ZSWIM5: variants seen among roughly 807,000 people sequenced by gnomAD.
ZSWIM5 encodes zinc finger SWIM domain-containing protein 5.
ZSWIM5 carries 55 observed loss-of-function variants against 119.6 expected under a neutral mutation model. The observed-to-expected ratio is 0.46, with a 90% CI of 0.37 to 0.58. The LOEUF is 0.58. Ranked by LOEUF, ZSWIM5 falls within the 20% of genes least tolerant of loss-of-function variation. ZSWIM5 has a pLI of 0.00. For missense variants in ZSWIM5, 1,193 were observed against 1,512.8 expected, an observed-to-expected ratio of 0.79 and a Z score of 3.51; for synonymous variants, 537 against 606.9, an observed-to-expected ratio of 0.88 and a Z score of 1.69.
intron 1 of ZSWIM5, among the ~76,000 whole-genome samples, chr1:45,172,003 T>C (rs1645948507): frequency 6.6e-6 from 1 of 152,102 alleles, no homozygotes; most frequent in Non-Finnish European, 1.5e-5. Context: ...AATCATAAGT[T>C]CATTATATGA....
rs746764436 is a variant in ZSWIM5, at chr1:45,190,927, A to ATTTTTTTTT, written c.595+14820_595+14828dup. On this transcript the variant is annotated intron_variant, in intron 1 of 13. Coordinates refer to ENST00000359600, the MANE Select transcript of ZSWIM5 (RefSeq NM_020883.2). ...TCCATGTTCGACTGAAATAGCTGGA[A>ATTTTTTTTT]TTTTTTTTTTTTTTTTTTTTTTTTT... is the stretch of plus-strand genomic sequence containing the variant. 1.6e-3 allele frequency among the ~76,000 whole-genome samples: 76 copies of ATTTTTTTTT among 49,006 alleles called. 23 individuals carry two copies. Among genetic ancestry groups the ATTTTTTTTT allele is most frequent in the East Asian group, 7.4e-3 (9 of 1,216 alleles). 32.1% of individuals were successfully genotyped at this position (49,006 alleles called of 152,430 possible).
intron 2 of ZSWIM5, among the ~76,000 whole-genome samples, chr1:45,064,636 T>C (rs1191640423): frequency 6.6e-6 from 1 of 152,194 alleles, no homozygotes; most frequent in Non-Finnish European, 1.5e-5. Context: ...AGGGCAAAAG[T>C]TTTTGTTTGC....
At chr1:45,030,170 C>T (rs1644943436) in intron 11 of ZSWIM5, among the ~76,000 whole-genome samples, 2 of 152,156 alleles carry the variant, frequency 1.3e-5, no homozygotes, top group African/African-American at 4.8e-5. Flanking sequence ...TCTCAAACTC[C>T]TGTCCTCTAG....
intron 1 of ZSWIM5, among the ~76,000 whole-genome samples, chr1:45,165,235 G>C (rs935369880): frequency 6.6e-5 from 10 of 152,054 alleles, no homozygotes; most frequent in African/African-American, 2.4e-4. Flanking sequence ...ATAATGAAAT[G>C]AAGGCAGAAA....
chr1:45,124,117 C>G (rs768920744), intron 1 of ZSWIM5, among the ~76,000 whole-genome samples: 7 of 151,992 alleles, frequency 4.6e-5, no homozygotes, highest in Non-Finnish European at 8.8e-5. Context: ...AAGGAAGTTT[C>G]CCAAACAGAG....
chr1:45,035,766 G>T lies in ZSWIM5; in HGVS notation c.2213C>A (p.Thr738Asn). The change falls in exon 10 of 14, where the codon ACC becomes AAC. Residue 738 changes from threonine to asparagine, a missense_variant. This residue lies in a region of ZSWIM5 where 961 missense variants were observed against 1,290.0 expected (regional missense o/e 0.74). Transcript: ENST00000359600. ...AGCTGAGAACAAATACTTGGCAAAG[G>T]TATGCATGGGAACACTCTCTCGGTG... ...VIHRESVPMH[T>N]FAKYLFSALL... The T allele has an allele frequency of 1.2e-6, 2 of 1,613,940 alleles. No individual in the cohort carries two copies. The highest frequency in any genetic ancestry group is 2.2e-5 in the East Asian group (1 of 44,874).
chr1:45,106,491 C>T (rs1211056112), intron 1 of ZSWIM5, among the ~76,000 whole-genome samples: 4 of 145,060 alleles, frequency 2.8e-5, no homozygotes, highest in Admixed American at 6.9e-5. Flanking sequence ...TCTGCCCGGC[C>T]GCTCTTACTC....
rs1170866367 is a variant in ZSWIM5 at position 45,184,016 on chromosome 1, C to T, written c.595+21740G>A. On this transcript the variant is annotated intron_variant, in intron 1 of 13. Coordinates refer to ENST00000359600, the MANE Select transcript of ZSWIM5 (RefSeq NM_020883.2). ...AATCCTCAATAAAATACTGGCAAAC[C>T]GAATCCAGCAGCACATCAAAAAGCT... Among the ~76,000 whole-genome samples, 126 of 151,784 alleles carry T rather than the reference C, an allele frequency of 8.3e-4. 1 individual carries two copies. The highest frequency in any genetic ancestry group is 3.0e-3 in the African/African-American group (122 of 41,316).
At chr1:45,167,404 T>G (rs1401504270) in intron 1 of ZSWIM5, among the ~76,000 whole-genome samples, 1 of 151,952 alleles carries the variant, frequency 6.6e-6, no homozygotes, top group South Asian at 2.1e-4. Flanking sequence ...ATTCAGGACA[T>G]AGGCATGGGC....
chr1:45,202,426 C>T (rs1458753422), intron 1 of ZSWIM5, among the ~76,000 whole-genome samples: 3 of 151,956 alleles, frequency 2.0e-5, no homozygotes, highest in African/African-American at 7.2e-5. Flanking sequence ...CTGAAATGGG[C>T]CACTTTTTAT....
chr1:45,083,689 T>G (rs1434182464), intron 2 of ZSWIM5, among the ~76,000 whole-genome samples: 1 of 152,212 alleles, frequency 6.6e-6, no homozygotes, highest in African/African-American at 2.4e-5. Flanking sequence ...CACTAGTAGC[T>G]AAGTTATTGT....
chr1:45,089,784 G>A (rs1443225905), intron 1 of ZSWIM5, among the ~76,000 whole-genome samples: 1 of 152,096 alleles, frequency 6.6e-6, no homozygotes, highest in African/African-American at 2.4e-5. Context: ...ACCAGCCTGG[G>A]CAACACAGTG....
chr1:45,163,883 T>G (rs914364471), intron 1 of ZSWIM5, among the ~76,000 whole-genome samples: 1 of 152,182 alleles, frequency 6.6e-6, no homozygotes, highest in African/African-American at 2.4e-5. Context: ...GGAACCAAGT[T>G]GGAAAACACT....
At chr1:45,190,250 G>A (rs532314668) in intron 1 of ZSWIM5, among the ~76,000 whole-genome samples, 1 of 152,184 alleles carries the variant, frequency 6.6e-6, no homozygotes, top group African/African-American at 2.4e-5. Context: ...ACCTGGGCCA[G>A]GAAGCTGGAG....
rs372054587 is a variant in ZSWIM5, at chr1:45,141,379, G to A, written c.596-53142C>T. Among the ~76,000 whole-genome samples the A allele has an allele frequency of 2.6e-5, 4 of 152,200 alleles. No homozygotes were observed. In the East Asian group the frequency reaches 7.7e-4, roughly 29 times the overall value. ...AGCCTCAGGGAACCAGAAAGTACTAGGGAGATCACAGAGATGAAGAACTCA... is the reference window on the plus strand; with the variant it reads ...AGCCTCAGGGAACCAGAAAGTACTAAGGAGATCACAGAGATGAAGAACTCA... On this transcript the variant is annotated intron_variant, in intron 1 of 13. Transcript: ENST00000359600.
At chr1:45,035,937 C>T (rs951588900) in intron 9 of ZSWIM5, 102 bp downstream of exon 9, 69 of 1,570,146 alleles carry the variant, frequency 4.4e-5, no homozygotes, top group Admixed American at 5.4e-5. Flanking sequence ...TCATTCACTA[C>T]ATTTTAATGT....
chr1:45,128,313 G>A (rs1190044687), intron 1 of ZSWIM5, among the ~76,000 whole-genome samples: 1 of 152,030 alleles, frequency 6.6e-6, no homozygotes, highest in Non-Finnish European at 1.5e-5. Context: ...CCCACCTCCA[G>A]CCTCCCAAAT....
At chr1:45,196,112 G>A (rs971242477) in intron 1 of ZSWIM5, among the ~76,000 whole-genome samples, 2 of 145,438 alleles carry the variant, frequency 1.4e-5, no homozygotes, top group East Asian at 4.1e-4. Context: ...CTGGGCTCAA[G>A]TGATCCTCCT....
At chr1:45,155,882 G>T (rs1013472895) in intron 1 of ZSWIM5, among the ~76,000 whole-genome samples, 6 of 152,108 alleles carry the variant, frequency 3.9e-5, no homozygotes, top group African/African-American at 1.4e-4. Flanking sequence ...GGGACTTGGG[G>T]GGAAAGAGTG....
Sources: gnomAD v4.1 joint callset for allele counts (sites outside exome capture counted in the v4.1 genomes callset) on GRCh38, gnomAD v4.1.1 for gene constraint, gnomAD v4.1.1 regional missense constraint, MANE v1.5 for transcripts, NCBI Gene and HGNC (gene_info 2026-07-23, HGNC 2026-07-21) for gene names.